Variants in KIRREL1 observed in about 807,000 individuals in gnomAD.
The protein encoded by KIRREL1 is kirre like nephrin family adhesion molecule 1, also known as kin of IRRE-like protein 1.
KIRREL1 carries 25 observed loss-of-function variants against 83.3 expected under a neutral mutation model. The ratio of observed to expected loss-of-function variants is 0.30; its 90% CI spans 0.22 to 0.42. The LOEUF (loss-of-function observed/expected upper bound fraction) is 0.42, where lower values mean the gene tolerates loss of function less well. Ranked by LOEUF, KIRREL1 falls within the 10% of genes least tolerant of loss-of-function variation. KIRREL1 has a pLI of 1.00. For missense variants in KIRREL1, 812 were observed against 1,032.3 expected, an observed-to-expected ratio of 0.79 and a Z score of 2.92; for synonymous variants, 388 against 410.4, an observed-to-expected ratio of 0.95 and a Z score of 0.66.
chr1:158,029,385 A>G (rs61819730), intron 1 of KIRREL1, among the ~76,000 whole-genome samples: 123,785 of 150,044 alleles, frequency 0.82, 52,169 homozygotes, highest in Non-Finnish European at 0.91. Flanking sequence ...GCGCGCATGC[A>G]CACATGCATG....
intron 1 of KIRREL1, among the ~76,000 whole-genome samples, chr1:158,006,704 G>A (rs1263811515): frequency 6.6e-6 from 1 of 152,146 alleles, no homozygotes; most frequent in East Asian, 1.9e-4. Context: ...AGAGCAGCTG[G>A]GGGCTGGAGG....
At chr1:158,006,611 C>T (rs1659525855) in intron 1 of KIRREL1, among the ~76,000 whole-genome samples, 3 of 152,214 alleles carry the variant, frequency 2.0e-5, no homozygotes, top group South Asian at 2.1e-4. Flanking sequence ...GTATCCCCAG[C>T]CAGGACCAGG....
intron 1 of KIRREL1, among the ~76,000 whole-genome samples, chr1:158,005,266 A>G (rs1036858407): frequency 1.3e-5 from 2 of 152,212 alleles, no homozygotes; most frequent in African/African-American, 4.8e-5. Flanking sequence ...CAGCCAGCTT[A>G]GTTGTATAAC....
rs991600805 is a variant in KIRREL1 at position 158,094,020 on chromosome 1, G to A, written c.1719+258G>A. On this transcript the variant is annotated intron_variant, in intron 13 of 14. Coordinates refer to ENST00000359209, the MANE Select transcript of KIRREL1 (RefSeq NM_018240.7). The surrounding 1 kb of genome is among the most constrained non-coding windows in gnomAD (Gnocchi z 4.6). ...TGTGTGAAAGTTGGAAGCCCCCAGA[G>A]GCTTTCTGGTCCATCTGCCTCATTG... 6.6e-6 allele frequency among the ~76,000 whole-genome samples: 1 copy of A among 152,238 alleles called. No individual in the cohort carries two copies. The highest frequency in any genetic ancestry group is 6.5e-5 in the Admixed American group (1 of 15,290).
At position 158,088,364 on chromosome 1, in the gene KIRREL1, C is replaced by A; in HGVS notation, c.954C>A (p.Thr318=). The A allele has an allele frequency of 6.2e-7, 1 of 1,614,034 alleles. No individual in the cohort carries two copies. Among genetic ancestry groups the A allele is most frequent in the Non-Finnish European group, 8.5e-7 (1 of 1,179,974 alleles). ...PRIVVDPKPT[T]TDIGSDVTLT... is the part of the protein sequence containing the mutation. ...TTGTAGTTGACCCCAAACCCACAAC[C>A]ACAGACATTGGCTCTGATGTGACCC... Residue 318 remains threonine, a synonymous_variant, in exon 8 of 15, where the codon ACC becomes ACA. Coordinates refer to ENST00000359209, the MANE Select transcript of KIRREL1 (RefSeq NM_018240.7).
intron 1 of KIRREL1, among the ~76,000 whole-genome samples, chr1:158,004,765 G>A (rs1238822853): frequency 1.3e-5 from 2 of 152,064 alleles, no homozygotes; most frequent in Admixed American, 1.3e-4. Context: ...ACAACATGGT[G>A]AAACACCGTC....
intron 4 of KIRREL1, among the ~76,000 whole-genome samples, chr1:158,085,788 T>C (rs1436159531): frequency 6.6e-6 from 1 of 152,152 alleles, no homozygotes; most frequent in African/African-American, 2.4e-5. Flanking sequence ...TGACCATATT[T>C]AGGGACCCCT....
At chr1:158,033,174 C>T (rs975474075) in intron 1 of KIRREL1, among the ~76,000 whole-genome samples, 2 of 152,172 alleles carry the variant, frequency 1.3e-5, no homozygotes, top group African/African-American at 4.8e-5. Context: ...CAGGTTCAAG[C>T]GATTCTCCTG....
intron 3 of KIRREL1, among the ~76,000 whole-genome samples, chr1:158,083,453 G>A (rs181632533): frequency 6.6e-6 from 1 of 152,220 alleles, no homozygotes; most frequent in East Asian, 1.9e-4. Flanking sequence ...TGTGGGAGAA[G>A]GGCATGCCAT....
intron 1 of KIRREL1, among the ~76,000 whole-genome samples, chr1:158,017,621 G>A (rs951823119): frequency 5.3e-5 from 8 of 152,098 alleles, no homozygotes; most frequent in African/African-American, 1.2e-4. Flanking sequence ...GAACCCAGGA[G>A]GAGGAGGTTG....
Position 158,094,565 on chromosome 1 carries a change from G to A in KIRREL1, c.1798-79G>A. 7.6e-7 allele frequency: 1 copy of A among 1,315,644 alleles called. No homozygotes were observed. Among genetic ancestry groups the A allele is most frequent in the South Asian group, 1.3e-5 (1 of 78,172 alleles). The allele number at this position is 1,315,644 out of a possible 1,614,324, so 81.5% of individuals were successfully genotyped here. On this transcript the variant is annotated intron_variant, in intron 14 of 14. Transcript: ENST00000359209. This position sits in a 1 kb window ranked among gnomAD's most constrained non-coding sequence, Gnocchi z 4.6. ...GGACATAGGGAGAGCTGGAGGAAGA[G>A]GCCCAGAAAGCCATGGTGAGACTTG...
intron 1 of KIRREL1, among the ~76,000 whole-genome samples, chr1:158,050,497 T>C (rs11264884): frequency 0.64 from 96,956 of 151,810 alleles, 31,144 homozygotes; most frequent in African/African-American, 0.7. Context: ...CCCTCGAACA[T>C]TAAACATTGG....
chr1:158,013,644 C>T lies in KIRREL1; in HGVS notation c.52+19916C>T, dbSNP rs1011232580. 2.6e-5 allele frequency among the ~76,000 whole-genome samples: 4 copies of T among 152,336 alleles called. No individual in the cohort carries two copies. In the East Asian group the frequency reaches 5.8e-4, roughly 22 times the overall value. On this transcript the variant is annotated intron_variant, in intron 1 of 14. Transcript: ENST00000359209. ...ACCAAGACTCAGAGGGTAAGTGACT[C>T]GCTGCCCCACAGCAGTGACCAGAGC...
chr1:158,006,627 G>A (rs1418323233), intron 1 of KIRREL1, among the ~76,000 whole-genome samples: 1 of 152,196 alleles, frequency 6.6e-6, no homozygotes, highest in East Asian at 1.9e-4. Flanking sequence ...CCAGGAGAAT[G>A]ATGTTCACAA....
chr1:158,078,959 C>T (rs569087288), intron 3 of KIRREL1, among the ~76,000 whole-genome samples: 1 of 152,080 alleles, frequency 6.6e-6, no homozygotes, highest in Non-Finnish European at 1.5e-5. Flanking sequence ...CCCTTGCCCC[C>T]CCTCACCCAC....
intron 1 of KIRREL1, among the ~76,000 whole-genome samples, chr1:158,024,340 G>A (rs1660102496): frequency 7.6e-6 from 1 of 131,574 alleles, no homozygotes; most frequent in South Asian, 2.4e-4. Context: ...GTGGAGTGGT[G>A]CGATCTCTGC....
At chr1:158,020,870 A>T (rs1659988578) in intron 1 of KIRREL1, among the ~76,000 whole-genome samples, 1 of 152,320 alleles carries the variant, frequency 6.6e-6, no homozygotes, top group African/African-American at 2.4e-5. Context: ...TATCCACTCC[A>T]CTGCTCTTCC....
rs887740996 is a variant in KIRREL1 at position 158,041,172 on chromosome 1, G to A, written c.53-34941G>A. Reference sequence around the variant, plus strand: ...ATAAATAGGGAACACAATAAACTGTGGTAAGTTGTGCTAGAGGGGAGAACA... The same window carrying A: ...ATAAATAGGGAACACAATAAACTGTAGTAAGTTGTGCTAGAGGGGAGAACA... On this transcript the variant is annotated intron_variant, in intron 1 of 14. Transcript: ENST00000359209. Among the ~76,000 whole-genome samples, 8 of 152,318 alleles carry A rather than the reference G, an allele frequency of 5.3e-5. No homozygotes were observed. In the South Asian group the frequency reaches 1.0e-3, roughly 20 times the overall value.
At chr1:158,063,640 G>T (rs990877674) in intron 1 of KIRREL1, among the ~76,000 whole-genome samples, 1 of 152,200 alleles carries the variant, frequency 6.6e-6, no homozygotes, top group Non-Finnish European at 1.5e-5. Flanking sequence ...CAACATACCA[G>T]CCAGGCTGAA....
Sources: allele counts gnomAD v4.1 joint callset (sites outside exome capture counted in the v4.1 genomes callset), GRCh38; gene constraint gnomAD v4.1.1; non-coding constraint Gnocchi (gnomAD v3.1); transcripts MANE v1.5; gene names NCBI Gene and HGNC (gene_info 2026-07-23, HGNC 2026-07-21).